Variants in SLC47A1 observed in about 807,000 individuals in gnomAD.
SLC47A1 encodes solute carrier family 47 member 1, also known as multidrug and toxin extrusion protein 1.
Under a neutral mutation model 65.8 loss-of-function variants are expected in SLC47A1, and 58 were observed. That is an observed-to-expected ratio of 0.88 (90% CI 0.71 to 1.10). SLC47A1 has a LOEUF of 1.10. Among genes scored for constraint, SLC47A1 ranks in the 50% least tolerant of loss-of-function variants. The pLI is 0.00. For synonymous variants in SLC47A1, 285 were observed against 295.0 expected (o/e 0.97, Z 0.35); for missense variants, 706 against 719.2 (o/e 0.98, Z 0.21).
chr17:19,564,954 G>T (rs2084344781), intron 12 of SLC47A1, among the ~76,000 whole-genome samples: 1 of 152,134 alleles, frequency 6.6e-6, no homozygotes, highest in African/African-American at 2.4e-5. Context: ...CACCACCTCA[G>T]GTGATCTGCC....
chr17:19,555,129 C>A, intron 6 of SLC47A1, 83 bp from the exon 7 acceptor site: 1 of 1,291,326 alleles, frequency 7.7e-7, no homozygotes, highest in Non-Finnish European at 1.1e-6. Flanking sequence ...AGCAGGCCAG[C>A]TGGAGCCTGT....
intron 3 of SLC47A1, among the ~76,000 whole-genome samples, chr17:19,547,305 A>T (rs758864168): frequency 1.8e-4 from 27 of 147,992 alleles, no homozygotes; most frequent in Non-Finnish European, 5.9e-5. Flanking sequence ...CAGCCTCCCA[A>T]CATGTTGGGA....
In SLC47A1 at chr17:19,555,188, T is replaced by C. The variant is rs558671983; in HGVS notation, c.544-24T>C. On this transcript the variant is annotated intron_variant, in intron 6 of 16. Coordinates refer to ENST00000270570, the MANE Select transcript of SLC47A1 (RefSeq NM_018242.3). ...AGTCCTATTCTGTGGATCTCAAGGA[T>C]GGCATGCGGTGTCCTTTTTCCAGGG... 8.1e-6 allele frequency: 13 copies of C among 1,606,378 alleles called. No homozygotes were observed. In the South Asian group the frequency reaches 1.3e-4, roughly 16 times the overall value.
intron 14 of SLC47A1, 102 bp downstream of exon 14, chr17:19,567,330 G>T (rs1334884233): frequency 1.3e-6 from 2 of 1,525,786 alleles, no homozygotes; most frequent in Non-Finnish European, 1.8e-6. Flanking sequence ...CTGAAACTCG[G>T]GAGCTCGCCC....
Position 19,546,452 on chromosome 17 carries a change from T to C in SLC47A1, c.255T>C (p.Gly85=), listed in dbSNP as rs919280520. Residue 85 remains glycine (G), a synonymous_variant, in exon 3 of 17, where the codon GGT becomes GGC. Transcript: ENST00000270570. ...TLAIAVINVT[G]VSVGFGLSSA... is the part of the protein sequence containing the mutation. The stretch of plus-strand genomic sequence containing the variant: ...ATTTGCAGGTTATCAATGTCACTGG[T>C]GTCTCAGTGGGATTCGGCTTATCTT... The C allele has an allele frequency of 2.5e-6, 4 of 1,613,856 alleles. No homozygotes were observed. Among genetic ancestry groups the C allele is most frequent in the Non-Finnish European group, 3.4e-6 (4 of 1,179,984 alleles).
At chr17:19,571,302 C>T (rs1355514773) in intron 14 of SLC47A1, among the ~76,000 whole-genome samples, 176 bp from the exon 15 acceptor site, 2 of 152,080 alleles carry the variant, frequency 1.3e-5, no homozygotes, top group East Asian at 3.8e-4. Context: ...CCTTCTGGAA[C>T]CTTCTGGAAG....
intron 1 of SLC47A1, chr17:19,534,904 GAC>G (rs1354382760): frequency 6.6e-6 from 1 of 152,200 alleles, no homozygotes; most frequent in East Asian, 1.9e-4. Flanking sequence ...GAGAGGGTAG[GAC>G]GCGGCACAAG....
Position 19,549,579 on chromosome 17 carries a change from C to G in SLC47A1, c.456-56C>G. 4 of 1,552,110 alleles carry G rather than the reference C, an allele frequency of 2.6e-6. No homozygotes were observed. The South Asian group carries it at 4.5e-5, about 17-fold the overall frequency. On this transcript the variant is annotated intron_variant, in intron 4 of 16. Transcript: ENST00000270570. ...GTTATTTTCTTCTGCCTAACTTTCC[C>G]TGGAAACAGAGGCCTCCATCACAGT...
At chr17:19,549,577 C>A in intron 4 of SLC47A1, 58 bp from the exon 5 acceptor site, 1 of 1,542,510 alleles carries the variant, frequency 6.5e-7, no homozygotes. Flanking sequence ...GCCTAACTTT[C>A]CCTGGAAACA....
At chr17:19,549,521 T>G (rs1457731724) in intron 4 of SLC47A1, 114 bp from the exon 5 acceptor site, 1 of 1,151,192 alleles carries the variant, frequency 8.7e-7, no homozygotes, top group Non-Finnish European at 1.3e-6. Context: ...CCCATTAATC[T>G]GGAAACAGCC....
At chr17:19,542,002 G>A (rs1267020962) in intron 1 of SLC47A1, among the ~76,000 whole-genome samples, 1 of 152,162 alleles carries the variant, frequency 6.6e-6, no homozygotes, top group Admixed American at 6.5e-5. Context: ...GCGCCTGCCT[G>A]TAATCTCAGC....
chr17:19,577,473 C>A lies in SLC47A1; in HGVS notation c.1633C>A (p.Arg545=), dbSNP rs773686189. ...AKLSRKQLVL[R]RGLLLLGVFL... The stretch of plus-strand genomic sequence containing the variant: ...ATTGTCCAGGAAACAGCTGGTGCTG[C>A]GGCGAGGGCTTCTGCTCCTGGGGGT... The change falls in exon 17 of 17, where the codon CGG becomes AGG. Residue 545 remains arginine (R), a synonymous_variant. Coordinates refer to ENST00000270570, the MANE Select transcript of SLC47A1 (RefSeq NM_018242.3). 6.2e-7 allele frequency: 1 copy of A among 1,614,004 alleles called. No homozygotes were observed. The highest frequency in any genetic ancestry group is 1.3e-5 in the African/African-American group (1 of 74,912).
intron 3 of SLC47A1, 41 bp from the exon 4 acceptor site, chr17:19,547,944 G>A (rs1916338852): frequency 6.4e-7 from 1 of 1,552,978 alleles, no homozygotes; most frequent in Non-Finnish European, 8.8e-7. Flanking sequence ...TGGTGTGCTG[G>A]GTCTGTGCTA....
At chr17:19,541,263 G>A (rs901338454) in intron 1 of SLC47A1, among the ~76,000 whole-genome samples, 2 of 152,172 alleles carry the variant, frequency 1.3e-5, no homozygotes, top group Non-Finnish European at 2.9e-5. Context: ...GCAGATGCAG[G>A]CAGCGGCGGC....
intron 1 of SLC47A1, among the ~76,000 whole-genome samples, chr17:19,539,147 G>A (rs1916071315): frequency 6.6e-6 from 1 of 152,042 alleles, no homozygotes. Context: ...CTGGGCTCAA[G>A]CAGTCCTCTT....
chr17:19,558,365 G>A (rs1916679397), intron 10 of SLC47A1, among the ~76,000 whole-genome samples: 1 of 152,138 alleles, frequency 6.6e-6, no homozygotes, highest in Non-Finnish European at 1.5e-5. Context: ...GAGAAGTGAT[G>A]CTGTGTCCTT....
In SLC47A1 at chr17:19,534,074, G is replaced by A. The variant is rs1169973887; in HGVS notation, c.135G>A (p.Ala45=). The part of the protein sequence containing the change: ...LRALLVLAGP[A]FLVQLMVFLI... ...CGCTCTTGGTCCTGGCTGGCCCCGC[G>A]GTGAGTAAGGTGGCCTCAGTGGCAG... Residue 45 remains alanine, a splice_region_variant and synonymous_variant, in exon 1 of 17, where the codon GCG becomes GCA. Coordinates refer to ENST00000270570, the MANE Select transcript of SLC47A1 (RefSeq NM_018242.3). The A allele has an allele frequency of 2.6e-6, 4 of 1,536,042 alleles. No individual in the cohort carries two copies. The highest frequency in any genetic ancestry group is 3.5e-6 in the Non-Finnish European group (4 of 1,141,476).
intron 16 of SLC47A1, among the ~76,000 whole-genome samples, chr17:19,576,741 T>C (rs1166958448): frequency 6.7e-6 from 1 of 149,084 alleles, no homozygotes; most frequent in Non-Finnish European, 1.5e-5. Flanking sequence ...TGTGAATCCT[T>C]TTTTTTTTTT....
At chr17:19,558,238 T>C (rs969273476) in intron 10 of SLC47A1, among the ~76,000 whole-genome samples, 3 of 152,226 alleles carry the variant, frequency 2.0e-5, no homozygotes, top group Non-Finnish European at 2.9e-5. Context: ...TTCGTCTTTC[T>C]TGACCTTGGC....
Sources: gnomAD v4.1 joint callset for allele counts (sites outside exome capture counted in the v4.1 genomes callset) on GRCh38, gnomAD v4.1.1 for gene constraint, MANE v1.5 for transcripts, NCBI Gene and HGNC (gene_info 2026-07-23, HGNC 2026-07-21) for gene names.